The following OSBPL8 variants were observed in gnomAD, a reference collection of about 807,000 sequenced individuals.
OSBPL8 encodes the protein oxysterol-binding protein-related protein 8.
A neutral mutation model predicts 125.5 loss-of-function variants in OSBPL8; 59 were observed. That is an observed-to-expected ratio of 0.47 (90% CI 0.38 to 0.58). OSBPL8 has a LOEUF of 0.58. Among genes scored for constraint, OSBPL8 ranks in the 20% least tolerant of loss-of-function variants. The pLI, the probability that OSBPL8 is intolerant of heterozygous loss-of-function variation, is 0.00. For synonymous variants in OSBPL8, 330 were observed against 338.9 expected (o/e 0.97, Z 0.29); for missense variants, 758 against 1,047.8 (o/e 0.72, Z 3.82).
chr12:76,470,143 T>G (rs925621936), intron 2 of OSBPL8, among the ~76,000 whole-genome samples: 1 of 152,338 alleles, frequency 6.6e-6, no homozygotes, highest in African/African-American at 2.4e-5. Flanking sequence ...TATCAAGGTC[T>G]TCACATACAA....
chr12:76,499,132 A>C (rs966012319), intron 1 of OSBPL8, among the ~76,000 whole-genome samples: 13 of 152,060 alleles, frequency 8.5e-5, no homozygotes, highest in African/African-American at 2.9e-4. Flanking sequence ...GAAAGGGGAG[A>C]CTGGCCTAGC....
chr12:76,458,996 C>G (rs1407175802), intron 3 of OSBPL8, among the ~76,000 whole-genome samples: 1 of 152,132 alleles, frequency 6.6e-6, no homozygotes, highest in East Asian at 1.9e-4. Context: ...AAATCTTCAT[C>G]TATGATGCAG....
At chr12:76,370,201 T>G (rs1382806585) in intron 19 of OSBPL8, among the ~76,000 whole-genome samples, 3 of 152,202 alleles carry the variant, frequency 2.0e-5, no homozygotes, top group African/African-American at 7.2e-5. Flanking sequence ...ATTCACTGGC[T>G]TCATAAAGAT....
In OSBPL8 at chr12:76,358,683, T is replaced by C. The variant is rs1462506415; in HGVS notation, c.2434+23A>G. 2.0e-6 allele frequency: 3 copies of C among 1,533,566 alleles called. No homozygotes were observed. In the African/African-American group the frequency reaches 4.1e-5, roughly 21 times the overall value. The allele number at this position is 1,533,566 out of a possible 1,614,324, so 95.0% of individuals were successfully genotyped here. ...AGTAATTAAAAAGTTAGACTCTCAT[T>C]AGTCTGCAATAAATATTTTTACCTT... is the stretch of plus-strand genomic sequence containing the variant. On this transcript the variant is annotated intron_variant, in intron 22 of 23. Coordinates refer to ENST00000261183, the MANE Select transcript of OSBPL8 (RefSeq NM_020841.5).
chr12:76,516,727 A>G (rs901509139), intron 1 of OSBPL8, among the ~76,000 whole-genome samples: 6 of 152,200 alleles, frequency 3.9e-5, no homozygotes, highest in African/African-American at 1.4e-4. Flanking sequence ...GAAATAACCA[A>G]TAATATGGTT....
chr12:76,392,211 T>C (rs1263489348), intron 10 of OSBPL8, among the ~76,000 whole-genome samples: 1 of 152,188 alleles, frequency 6.6e-6, no homozygotes. Context: ...GTCTCATAGT[T>C]ATAAGGTTTC....
At chr12:76,484,409 T>C (rs1254763485) in intron 2 of OSBPL8, among the ~76,000 whole-genome samples, 2 of 152,236 alleles carry the variant, frequency 1.3e-5, no homozygotes, top group Non-Finnish European at 2.9e-5. Context: ...TCCTGACTTT[T>C]AATTATTTAT....
Position 76,378,823 on chromosome 12 carries a change from T to C in OSBPL8, c.1631-273A>G, listed in dbSNP as rs142890326. On this transcript the variant is annotated intron_variant, in intron 15 of 23. Coordinates refer to ENST00000261183, the MANE Select transcript of OSBPL8 (RefSeq NM_020841.5). The stretch of plus-strand genomic sequence containing the variant: ...TGTCACTCTGTTGCCCAGGCTGGAG[T>C]GCAGTGGAGTGATCTCGACTCACTG... Among the ~76,000 whole-genome samples the C allele has an allele frequency of 3.0e-3, 458 of 152,092 alleles. 3 individuals carry two copies. The highest frequency in any genetic ancestry group is 0.011 in the African/African-American group (441 of 41,492).
Position 76,390,648 on chromosome 12 carries a change from A to G in OSBPL8, c.939T>C (p.Asp313=), listed in dbSNP as rs992629134. The stretch of plus-strand genomic sequence containing the variant: ...TAAAATGTTGTCGTTCAATTTCACT[A>G]TCATTTAACCTTAAGGGAAAGAATT... The part of the protein sequence containing the change: ...LHSGDNFQLN[D]SEIERQHFKD... The change falls in exon 11 of 24, where the codon GAT becomes GAC. Residue 313 remains aspartate (D), a synonymous_variant. Transcript: ENST00000261183. 1.9e-6 allele frequency: 3 copies of G among 1,606,482 alleles called. No individual in the cohort carries two copies. The highest frequency in any genetic ancestry group is 1.7e-6 in the Non-Finnish European group (2 of 1,173,844).
intron 4 of OSBPL8, among the ~76,000 whole-genome samples, chr12:76,420,474 T>C (rs1869330173): frequency 6.6e-6 from 1 of 152,010 alleles, no homozygotes; most frequent in African/African-American, 2.4e-5. Flanking sequence ...TCACTATGGG[T>C]ACAGGGGCAG....
chr12:76,525,454 A>G (rs1950146181), intron 1 of OSBPL8, among the ~76,000 whole-genome samples: 1 of 152,228 alleles, frequency 6.6e-6, no homozygotes, highest in African/African-American at 2.4e-5. Flanking sequence ...GAGGTTAATT[A>G]CTGGTGTGTG....
chr12:76,447,463 A>G (rs1055671669), intron 4 of OSBPL8, among the ~76,000 whole-genome samples: 8 of 152,258 alleles, frequency 5.3e-5, no homozygotes, highest in African/African-American at 1.9e-4. Flanking sequence ...TAGAAGATAC[A>G]GAAACAAATT....
At chr12:76,455,060 T>C (rs1028704335) in intron 3 of OSBPL8, among the ~76,000 whole-genome samples, 27 of 148,858 alleles carry the variant, frequency 1.8e-4, no homozygotes, top group African/African-American at 6.7e-4. Flanking sequence ...CGGTGAAACC[T>C]CGTCTCCACT....
chr12:76,391,738 G>T lies in OSBPL8; in HGVS notation c.929+843C>A, dbSNP rs965144199. 3.9e-5 allele frequency among the ~76,000 whole-genome samples: 6 copies of T among 152,082 alleles called. No homozygotes were observed. The East Asian group carries it at 1.2e-3, about 29-fold the overall frequency. On this transcript the variant is annotated intron_variant, in intron 10 of 23. Transcript: ENST00000261183. The stretch of plus-strand genomic sequence containing the variant: ...TGATTGTGCCACTGCACTGCAGCCT[G>T]GGCAACAGAGTGAGTCCCTGGCTCT...
chr12:76,384,881 C>T (rs1953238617), intron 14 of OSBPL8, among the ~76,000 whole-genome samples: 1 of 152,102 alleles, frequency 6.6e-6, no homozygotes, highest in African/African-American at 2.4e-5. Context: ...CAGGAACCAC[C>T]CAACTAAGCA....
chr12:76,456,520 C>A (rs948858042), intron 3 of OSBPL8, among the ~76,000 whole-genome samples: 5 of 151,880 alleles, frequency 3.3e-5, no homozygotes, highest in Admixed American at 2.0e-4. Context: ...CATGGTGGTG[C>A]ACGCCTGTAA....
chr12:76,424,941 C>T (rs751481304), intron 4 of OSBPL8, among the ~76,000 whole-genome samples: 2 of 152,148 alleles, frequency 1.3e-5, no homozygotes, highest in Non-Finnish European at 2.9e-5. Context: ...AACAAGTAGT[C>T]ATGGTCTTGC....
chr12:76,460,213 AT>A (rs1379708463), intron 2 of OSBPL8, among the ~76,000 whole-genome samples: 3 of 152,218 alleles, frequency 2.0e-5, no homozygotes. Flanking sequence ...TTCAATTACA[AT>A]TCAAGATATG....
intron 1 of OSBPL8, among the ~76,000 whole-genome samples, chr12:76,545,175 G>C (rs1447389323): frequency 6.6e-6 from 1 of 152,146 alleles, no homozygotes; most frequent in African/African-American, 2.4e-5. Flanking sequence ...GCCTCTTAAA[G>C]ATAATGCTTG....
Sources: allele counts gnomAD v4.1 joint callset (sites outside exome capture counted in the v4.1 genomes callset), GRCh38; gene constraint gnomAD v4.1.1; transcripts MANE v1.5; gene names NCBI Gene and HGNC (gene_info 2026-07-23, HGNC 2026-07-21).